TYW1B: variants seen among roughly 807,000 people sequenced by gnomAD.
TYW1B encodes the protein S-adenosyl-L-methionine-dependent tRNA 4-demethylwyosine synthase TYW1B.
Under a neutral mutation model 86.9 loss-of-function variants are expected in TYW1B, and 73 were observed. That is an observed-to-expected ratio of 0.84 (90% CI 0.70 to 1.02). The LOEUF is 1.02. TYW1B is among the 50% of genes least tolerant of loss of function. The probability of loss-of-function intolerance (pLI) is 0.00; values close to 1 mark genes in which losing one functional copy is unlikely to be tolerated. For missense variants in TYW1B, 637 were observed against 827.4 expected (o/e 0.77, Z 2.82); for synonymous variants, 248 against 292.8 (o/e 0.85, Z 1.56).
At chr7:72,634,019 G>C (rs1322597679) in intron 11 of TYW1B, among the ~76,000 whole-genome samples, 1 of 152,116 alleles carries the variant, frequency 6.6e-6, no homozygotes, top group East Asian at 1.9e-4. Context: ...TGGCCCAGTA[G>C]AGTGCATGGT....
At chr7:72,718,822 C>G (rs2129570814) in intron 9 of TYW1B, among the ~76,000 whole-genome samples, 1 of 152,240 alleles carries the variant, frequency 6.6e-6, no homozygotes, top group Non-Finnish European at 1.5e-5. Context: ...CAGGTTGAAC[C>G]TGAACTCCAA....
At chr7:72,776,579 A>AAAAAAT (rs1197656548) in intron 7 of TYW1B, among the ~76,000 whole-genome samples, 1 of 149,832 alleles carries the variant, frequency 6.7e-6, no homozygotes. Context: ...AAAAAAAAAA[A>AAAAAAT]GAGGTATAGT....
intron 7 of TYW1B, among the ~76,000 whole-genome samples, chr7:72,763,273 TTTTC>T (rs1478201740): frequency 7.0e-6 from 1 of 142,940 alleles, no homozygotes; most frequent in African/African-American, 2.6e-5. Flanking sequence ...TTGTTTTTTC[TTTTC>T]TTTTCTTTTT....
At chr7:72,756,337 CG>C (rs1262935717) in intron 7 of TYW1B, among the ~76,000 whole-genome samples, 1 of 151,790 alleles carries the variant, frequency 6.6e-6, no homozygotes, top group Non-Finnish European at 1.5e-5. Context: ...CGGGTTCAAG[CG>C]ATTCTCCCGC....
In TYW1B at chr7:72,820,235, A is replaced by G. The variant is rs1319786274; in HGVS notation, c.136-4754T>C. On this transcript the variant is annotated intron_variant, in intron 2 of 13. Coordinates refer to ENST00000620995, the MANE Select transcript of TYW1B (RefSeq NM_001145440.3). ...GGTTGCAGTGAGCTGAGATCGCACC[A>G]CTGCACTCCAGCCTGGATGACAGAG... Among the ~76,000 whole-genome samples the G allele has an allele frequency of 3.9e-5, 6 of 152,182 alleles. 1 individual carries two copies. Among genetic ancestry groups the G allele is most frequent in the Non-Finnish European group, 5.9e-5 (4 of 68,030 alleles).
intron 2 of TYW1B, among the ~76,000 whole-genome samples, chr7:72,820,102 C>G (rs1219768894): frequency 2.6e-5 from 4 of 152,060 alleles, no homozygotes; most frequent in African/African-American, 9.7e-5. Flanking sequence ...TGGTGAAACC[C>G]CATCTCTACT....
At chr7:72,754,638 A>G (rs1249442161) in intron 7 of TYW1B, among the ~76,000 whole-genome samples, 2 of 151,266 alleles carry the variant, frequency 1.3e-5, no homozygotes, top group Non-Finnish European at 2.9e-5. Flanking sequence ...GGGTTTCATC[A>G]TGTTTGCCAG....
intron 13 of TYW1B, among the ~76,000 whole-genome samples, chr7:72,601,452 G>T (rs1214501347): frequency 6.6e-6 from 1 of 152,038 alleles, no homozygotes; most frequent in East Asian, 1.9e-4. Flanking sequence ...AGCTACTTTG[G>T]AAGACAGTTT....
In TYW1B at chr7:72,624,605, T is replaced by C. The variant is rs1358100131; in HGVS notation, c.1617+4282A>G. The stretch of plus-strand genomic sequence containing the variant: ...ACTTGCTGGACAAATGACAGGTAAG[T>C]TCACAAAGCATGAGACTGACCTCCA... On this transcript the variant is annotated intron_variant, in intron 12 of 13. Transcript: ENST00000620995. Among the ~76,000 whole-genome samples the C allele has an allele frequency of 6.6e-5, 10 of 152,278 alleles. No individual in the cohort carries two copies. In the South Asian group the frequency reaches 1.2e-3, roughly 19 times the overall value.
intron 11 of TYW1B, among the ~76,000 whole-genome samples, chr7:72,676,617 G>A (rs879950081): frequency 6.6e-6 from 1 of 151,968 alleles, no homozygotes; most frequent in Non-Finnish European, 1.5e-5. Flanking sequence ...TATTTACAGA[G>A]AAACCCAGTT....
chr7:72,670,381 G>C (rs1554446150), intron 11 of TYW1B, among the ~76,000 whole-genome samples: 1 of 152,124 alleles, frequency 6.6e-6, no homozygotes, highest in Non-Finnish European at 1.5e-5. Context: ...AGTAGAGAGG[G>C]GGTTTCCCCA....
At chr7:72,627,205 T>G (rs1812366888) in intron 12 of TYW1B, among the ~76,000 whole-genome samples, 1 of 152,030 alleles carries the variant, frequency 6.6e-6, no homozygotes, top group South Asian at 2.1e-4. Flanking sequence ...CTCAGCACTT[T>G]GGGAGGCTGA....
intron 2 of TYW1B, among the ~76,000 whole-genome samples, chr7:72,815,846 G>C (rs1788712932): frequency 6.6e-6 from 1 of 151,778 alleles, no homozygotes; most frequent in Admixed American, 6.6e-5. Context: ...GGGCAACAAA[G>C]TGAGACCTCA....
chr7:72,767,832 A>G (rs1466968577), intron 7 of TYW1B, among the ~76,000 whole-genome samples: 8 of 152,172 alleles, frequency 5.3e-5, no homozygotes, highest in Admixed American at 2.6e-4. Flanking sequence ...AAAAGTCTTC[A>G]ACAAATGGTG....
At chr7:72,604,020 C>A (rs1440317746) in intron 13 of TYW1B, among the ~76,000 whole-genome samples, 1 of 152,128 alleles carries the variant, frequency 6.6e-6, no homozygotes, top group African/African-American at 2.4e-5. Context: ...AATCATAAAT[C>A]AACACTGGCT....
intron 7 of TYW1B, among the ~76,000 whole-genome samples, chr7:72,746,854 A>C (rs1787404777): frequency 6.6e-6 from 1 of 152,202 alleles, no homozygotes; most frequent in South Asian, 2.1e-4. Context: ...AGGACTCTCT[A>C]AGACACAGGC....
At chr7:72,685,649 A>C (rs1813992264) in intron 11 of TYW1B, among the ~76,000 whole-genome samples, 1 of 152,220 alleles carries the variant, frequency 6.6e-6, no homozygotes, top group Non-Finnish European at 1.5e-5. Context: ...ATCTCTCCCA[A>C]AAATTAACTC....
At chr7:72,779,312 C>T (rs1375365504) in intron 6 of TYW1B, among the ~76,000 whole-genome samples, 1 of 152,254 alleles carries the variant, frequency 6.6e-6, no homozygotes, top group African/African-American at 2.4e-5. Flanking sequence ...GGGAGGATGG[C>T]CCATAAGTTG....
chr7:72,815,491 C>CAA lies in TYW1B; in HGVS notation c.136-12_136-11dup. 6.3e-7 allele frequency: 1 copy of CAA among 1,580,922 alleles called. No individual in the cohort carries two copies. ...GAACTGTTGCAAATCCCTAATAGGA[C>CAA]AAAAAAAAACTTCAAATAAAGTCTT... On this transcript the variant is annotated splice_polypyrimidine_tract_variant and intron_variant, in intron 2 of 13. Transcript: ENST00000620995.
Sources: allele counts gnomAD v4.1 joint callset (sites outside exome capture counted in the v4.1 genomes callset), GRCh38; gene constraint gnomAD v4.1.1; transcripts MANE v1.5; gene names NCBI Gene and HGNC (gene_info 2026-07-23, HGNC 2026-07-21).